The following MYO5B variants were observed in gnomAD, a reference collection of about 807,000 sequenced individuals.
MYO5B encodes the protein unconventional myosin-Vb.
MYO5B carries 143 observed loss-of-function variants against 229.3 expected under a neutral mutation model. The ratio of observed to expected loss-of-function variants is 0.62; its 90% CI spans 0.54 to 0.72. MYO5B has a LOEUF of 0.72. Ranked by LOEUF, MYO5B falls within the 30% of genes least tolerant of loss-of-function variation. The pLI is 0.00. For synonymous variants in MYO5B, 918 were observed against 885.2 expected (o/e 1.04, Z -0.66); for missense variants, 2,321 against 2,331.0 (o/e 1.00, Z 0.09).
intron 1 of MYO5B, among the ~76,000 whole-genome samples, chr18:50,130,926 C>T (rs2144546618): frequency 1.3e-5 from 2 of 152,302 alleles, no homozygotes; most frequent in South Asian, 4.2e-4. Context: ...TTCCAGGGGA[C>T]TTCAGGAGTC....
At chr18:49,879,390 G>A in intron 23 of MYO5B, 1 of 432,454 alleles carries the variant, frequency 2.3e-6, no homozygotes, top group South Asian at 2.1e-5. Flanking sequence ...AACTGTCACA[G>A]CAACTGCTGG....
chr18:49,982,935 A>T (rs777367984), intron 8 of MYO5B, among the ~76,000 whole-genome samples: 1 of 152,154 alleles, frequency 6.6e-6, no homozygotes, highest in Admixed American at 6.5e-5. Context: ...TCCTCTCCTT[A>T]TATCAGCTTG....
intron 1 of MYO5B, chr18:50,098,657 T>C (rs975914629): frequency 2.0e-5 from 3 of 152,162 alleles, no homozygotes; most frequent in Admixed American, 6.6e-5. Context: ...AAAAAGAAAG[T>C]CTTAGAAACA....
chr18:49,938,738 T>C (rs1289522300), intron 14 of MYO5B, among the ~76,000 whole-genome samples: 1 of 152,214 alleles, frequency 6.6e-6, no homozygotes, highest in Non-Finnish European at 1.5e-5. Context: ...TGCTGTCTCA[T>C]AGGCACAATG....
At chr18:49,883,240 C>T (rs1273457555) in intron 22 of MYO5B, among the ~76,000 whole-genome samples, 2 of 152,178 alleles carry the variant, frequency 1.3e-5, no homozygotes, top group Non-Finnish European at 2.9e-5. Flanking sequence ...ATGACACAAT[C>T]TTGTATACAG....
chr18:49,860,544 T>C (rs2024317294), intron 29 of MYO5B, among the ~76,000 whole-genome samples: 1 of 152,108 alleles, frequency 6.6e-6, no homozygotes. Context: ...TAATAGCTTC[T>C]CTCCCCAGAG....
At chr18:49,853,730 G>A (rs2024229346) in intron 30 of MYO5B, 83 bp from the exon 31 acceptor site, 1 of 1,295,876 alleles carries the variant, frequency 7.7e-7, no homozygotes, top group Non-Finnish European at 1.1e-6. Context: ...CATAACAGGG[G>A]AGCAGCCAAG....
chr18:50,135,550 C>G (rs988237285), intron 1 of MYO5B, among the ~76,000 whole-genome samples: 8 of 152,260 alleles, frequency 5.3e-5, no homozygotes, highest in Non-Finnish European at 8.8e-5. Flanking sequence ...CCAAGGATGT[C>G]CCAAAGACAC....
intron 1 of MYO5B, among the ~76,000 whole-genome samples, chr18:50,101,144 A>G (rs2031646836): frequency 6.6e-6 from 1 of 152,212 alleles, no homozygotes; most frequent in Non-Finnish European, 1.5e-5. Context: ...CACAAAACAA[A>G]TCCCCCAAAA....
intron 8 of MYO5B, among the ~76,000 whole-genome samples, chr18:49,984,349 G>A (rs1021971403): frequency 7.9e-5 from 12 of 152,168 alleles, no homozygotes; most frequent in Admixed American, 2.0e-4. Flanking sequence ...CTGGGTGTGC[G>A]CAACATTGTG....
At chr18:49,922,655 G>T (rs919730798) in intron 17 of MYO5B, among the ~76,000 whole-genome samples, 5 of 151,916 alleles carry the variant, frequency 3.3e-5, no homozygotes, top group Non-Finnish European at 7.4e-5. Flanking sequence ...ATGCCAGGAG[G>T]ATAAGGAAGG....
At chr18:50,084,717 C>G (rs908884001) in intron 1 of MYO5B, among the ~76,000 whole-genome samples, 11 of 152,154 alleles carry the variant, frequency 7.2e-5, no homozygotes, top group African/African-American at 2.7e-4. Flanking sequence ...AAAACAGAGA[C>G]ACAGATCAAT....
chr18:50,096,614 T>A (rs1018382912), intron 1 of MYO5B, among the ~76,000 whole-genome samples: 3 of 152,176 alleles, frequency 2.0e-5, no homozygotes, highest in Non-Finnish European at 4.4e-5. Flanking sequence ...GGTCACCATT[T>A]CCATCTCTCC....
At chr18:50,175,527 A>C (rs1057450513) in intron 1 of MYO5B, among the ~76,000 whole-genome samples, 1 of 152,258 alleles carries the variant, frequency 6.6e-6, no homozygotes, top group Non-Finnish European at 1.5e-5. Context: ...AAAAACCATC[A>C]AATTTTTTTA....
At position 49,843,288 on chromosome 18, in the gene MYO5B, G is replaced by A. The variant is rs1202748071; in HGVS notation, c.4564C>T (p.His1522Tyr). 4 of 1,614,210 alleles carry A rather than the reference G, an allele frequency of 2.5e-6. No individual in the cohort carries two copies. The highest frequency in any genetic ancestry group is 1.7e-4 in the Middle Eastern group (1 of 6,060). ...ADYTNDDLKV[H>Y]SLLTSTINGI... ...TTGATGGTGGAGGTCAGCAGGGAGTGCACCTTGAGATCGTCGTTGGTGTAG... is the reference window on the plus strand; with the variant it reads ...TTGATGGTGGAGGTCAGCAGGGAGTACACCTTGAGATCGTCGTTGGTGTAG... Residue 1522 changes from histidine to tyrosine, a missense_variant, in exon 34 of 40, where the codon CAC becomes TAC. By Grantham distance (83) the His-to-Tyr change is moderately conservative. This residue lies in a region of MYO5B where 2,113 missense variants were observed against 2,044.7 expected (regional missense o/e 1.03). Transcript: ENST00000285039.
At chr18:49,903,753 G>C (rs190133933) in intron 20 of MYO5B, among the ~76,000 whole-genome samples, 4 of 152,334 alleles carry the variant, frequency 2.6e-5, no homozygotes, top group Admixed American at 2.0e-4. Context: ...CGTGTTTCAA[G>C]TCAGCTCTGT....
intron 4 of MYO5B, among the ~76,000 whole-genome samples, chr18:50,020,808 C>T (rs2026265694): frequency 1.3e-5 from 2 of 152,236 alleles, no homozygotes. Context: ...TTAATAGTTT[C>T]TGACTCAGCT....
At position 50,149,590 on chromosome 18, in the gene MYO5B, T is replaced by G. The variant is rs1445841726; in HGVS notation, c.27+45177A>C. The stretch of plus-strand genomic sequence containing the variant: ...AGAAAAACAAGCAATGGGGAAAGGA[T>G]TCCCTATTTAATAAATGGTGCTGGG... On this transcript the variant is annotated intron_variant, in intron 1 of 39. Transcript: ENST00000285039. Among the ~76,000 whole-genome samples the G allele has an allele frequency of 6.1e-5, 9 of 147,760 alleles. No homozygotes were observed. The South Asian group carries it at 1.9e-3, about 32-fold the overall frequency.
chr18:50,015,053 G>A (rs1442839209), intron 4 of MYO5B, among the ~76,000 whole-genome samples: 1 of 152,216 alleles, frequency 6.6e-6, no homozygotes, highest in East Asian at 1.9e-4. Flanking sequence ...CCCTAAGGTT[G>A]ACCTTGACCA....
Sources: gnomAD v4.1 joint callset for allele counts (sites outside exome capture counted in the v4.1 genomes callset) on GRCh38, gnomAD v4.1.1 for gene constraint, gnomAD v4.1.1 regional missense constraint, MANE v1.5 for transcripts, NCBI Gene and HGNC (gene_info 2026-07-23, HGNC 2026-07-21) for gene names.